EPHB2: variants seen among roughly 807,000 people sequenced by gnomAD.
EPHB2 encodes ephrin type-B receptor 2.
EPHB2 carries 18 observed loss-of-function variants against 96.4 expected under a neutral mutation model. The observed-to-expected ratio is 0.19, with a 90% CI of 0.13 to 0.28. The LOEUF (loss-of-function observed/expected upper bound fraction) is 0.28, where lower values mean the gene tolerates loss of function less well. Ranked by LOEUF, EPHB2 falls within the 10% of genes least tolerant of loss-of-function variation. EPHB2 has a pLI of 1.00. For synonymous variants in EPHB2, 506 were observed against 534.1 expected (o/e 0.95, Z 0.72); for missense variants, 989 against 1,355.4 (o/e 0.73, Z 4.25).
At chr1:22,789,980 G>C (rs891560623) in intron 3 of EPHB2, among the ~76,000 whole-genome samples, 7 of 152,134 alleles carry the variant, frequency 4.6e-5, no homozygotes, top group African/African-American at 1.4e-4. Context: ...CAGACACCCA[G>C]GGAACGAGGC....
At chr1:22,877,148 G>T (rs960250388) in intron 5 of EPHB2, among the ~76,000 whole-genome samples, 1 of 152,216 alleles carries the variant, frequency 6.6e-6, no homozygotes, top group African/African-American at 2.4e-5. Flanking sequence ...TGGTCAGCCG[G>T]CATCAGCCAC....
chr1:22,747,135 C>A (rs1308610855), intron 1 of EPHB2, among the ~76,000 whole-genome samples: 1 of 152,174 alleles, frequency 6.6e-6, no homozygotes, highest in Non-Finnish European at 1.5e-5. Context: ...TTACCAGAAA[C>A]CCAGGCAAAC....
intron 9 of EPHB2, among the ~76,000 whole-genome samples, chr1:22,896,896 C>T (rs1241554188): frequency 6.6e-6 from 1 of 152,146 alleles, no homozygotes; most frequent in Non-Finnish European, 1.5e-5. Context: ...CCAGCACCAG[C>T]GTGGTGCCCA....
At chr1:22,716,640 G>C (rs1294894543) in intron 1 of EPHB2, among the ~76,000 whole-genome samples, 2 of 152,190 alleles carry the variant, frequency 1.3e-5, no homozygotes, top group Admixed American at 1.3e-4. Flanking sequence ...TGCCCTGCCT[G>C]GGACAGATTC....
chr1:22,910,144 G>A (rs1319474455), intron 13 of EPHB2, among the ~76,000 whole-genome samples: 1 of 152,162 alleles, frequency 6.6e-6, no homozygotes, highest in Non-Finnish European at 1.5e-5. Flanking sequence ...CAGGGCACTG[G>A]ATTTCCCAAG....
At chr1:22,712,464 C>T (rs989958344) in intron 1 of EPHB2, among the ~76,000 whole-genome samples, 3 of 152,214 alleles carry the variant, frequency 2.0e-5, no homozygotes, top group South Asian at 2.1e-4. Flanking sequence ...TAAGAAAAAA[C>T]GCATATCAGA....
intron 1 of EPHB2, among the ~76,000 whole-genome samples, chr1:22,778,984 T>G (rs1644491318): frequency 6.6e-6 from 1 of 152,198 alleles, no homozygotes; most frequent in African/African-American, 2.4e-5. Context: ...TGGGGCCACC[T>G]GCTTGGCAGC....
At chr1:22,788,573 C>T (rs1016226309) in intron 3 of EPHB2, among the ~76,000 whole-genome samples, 2 of 152,158 alleles carry the variant, frequency 1.3e-5, no homozygotes, top group African/African-American at 2.4e-5. Context: ...AGTGCTTTCT[C>T]GTCCTCTAGC....
Position 22,915,060 on chromosome 1 carries a change from G to A in EPHB2, c.*1490G>A, listed in dbSNP as rs1204694438. On this transcript the variant is annotated 3_prime_UTR_variant, in exon 16 of 16. Transcript: ENST00000374630. The stretch of plus-strand genomic sequence containing the variant: ...AGGCTGCATCGGAGGCCAGGACCCG[G>A]ATCATTCACTGTGATACCCTGCCCT... 6.6e-6 allele frequency: 1 copy of A among 152,568 alleles called. No individual in the cohort carries two copies. The highest frequency in any genetic ancestry group is 2.4e-5 in the African/African-American group (1 of 41,438). The allele number at this position is 152,568 out of a possible 1,614,324, so 9.5% of individuals were successfully genotyped here.
At chr1:22,885,435 G>A (rs960829661) in intron 6 of EPHB2, among the ~76,000 whole-genome samples, 9 of 152,238 alleles carry the variant, frequency 5.9e-5, no homozygotes, top group South Asian at 4.1e-4. Flanking sequence ...TCCCCAGGCC[G>A]CTGCTGGGGT....
rs980004441 is a variant in EPHB2, at chr1:22,733,339, G to A, written c.61+22296G>A. ...GCTGGGATTGCAGGCGTGAACCACT[G>A]TGGCTGGCCCAGGCTGCCTTTCTAA... On this transcript the variant is annotated intron_variant, in intron 1 of 15. Coordinates refer to ENST00000374630, the MANE Select transcript of EPHB2 (RefSeq NM_017449.5). This position sits in a 1 kb window ranked among gnomAD's most constrained non-coding sequence, Gnocchi z 4.6. 2.0e-5 allele frequency among the ~76,000 whole-genome samples: 3 copies of A among 152,112 alleles called. No individual in the cohort carries two copies. The highest frequency in any genetic ancestry group is 4.4e-5 in the Non-Finnish European group (3 of 68,028).
intron 9 of EPHB2, among the ~76,000 whole-genome samples, chr1:22,898,720 G>A (rs1639650713): frequency 6.6e-6 from 1 of 152,198 alleles, no homozygotes; most frequent in Non-Finnish European, 1.5e-5. Context: ...ATCCAGGGAA[G>A]ACATGATGGT....
chr1:22,885,567 AC>A (rs1317404415), intron 6 of EPHB2, among the ~76,000 whole-genome samples: 2 of 152,152 alleles, frequency 1.3e-5, no homozygotes, highest in Admixed American at 6.5e-5. Flanking sequence ...ATGGTTCTTC[AC>A]CCCATTGGAT....
intron 3 of EPHB2, among the ~76,000 whole-genome samples, chr1:22,839,451 G>C (rs1248831478): frequency 1.3e-5 from 2 of 152,222 alleles, no homozygotes; most frequent in East Asian, 3.8e-4. Context: ...CCGTCAGCAA[G>C]AGGCTCAAAG....
At chr1:22,824,696 C>G (rs901922810) in intron 3 of EPHB2, among the ~76,000 whole-genome samples, 9 of 152,372 alleles carry the variant, frequency 5.9e-5, no homozygotes, top group African/African-American at 1.7e-4. Flanking sequence ...TAATGAACAG[C>G]TAATTAACAT....
At chr1:22,861,331 G>C (rs1047447905) in intron 3 of EPHB2, among the ~76,000 whole-genome samples, 1 of 152,044 alleles carries the variant, frequency 6.6e-6, no homozygotes, top group African/African-American at 2.4e-5. Context: ...TCCACTTAAG[G>C]AGGCAGCTCC....
intron 3 of EPHB2, among the ~76,000 whole-genome samples, chr1:22,818,754 G>A (rs984442311): frequency 3.3e-5 from 5 of 151,956 alleles, no homozygotes; most frequent in Admixed American, 6.5e-5. Flanking sequence ...CCGTTTATCC[G>A]TCAGGTCTCA....
At chr1:22,853,226 G>A (rs1289846316) in intron 3 of EPHB2, among the ~76,000 whole-genome samples, 3 of 152,248 alleles carry the variant, frequency 2.0e-5, no homozygotes, top group African/African-American at 7.2e-5. Context: ...GGTGGCGGAC[G>A]CCTGTAGTCC....
At chr1:22,761,982 C>T (rs1644242120) in intron 1 of EPHB2, among the ~76,000 whole-genome samples, 1 of 152,228 alleles carries the variant, frequency 6.6e-6, no homozygotes, top group Non-Finnish European at 1.5e-5. Flanking sequence ...CAGCAAGTCA[C>T]CATCTGTGTT....
Sources: gnomAD v4.1 joint callset for allele counts (sites outside exome capture counted in the v4.1 genomes callset) on GRCh38, gnomAD v4.1.1 for gene constraint, Gnocchi (gnomAD v3.1) non-coding constraint, MANE v1.5 for transcripts, NCBI Gene and HGNC (gene_info 2026-07-23, HGNC 2026-07-21) for gene names.